Variants in ATXN2 observed in about 807,000 individuals in gnomAD.
ATXN2 encodes the protein ataxin 2, also known as ataxin-2.
In ATXN2, 37 loss-of-function variants were observed where a neutral mutation model predicts 138.6. The ratio of observed to expected loss-of-function variants is 0.27; its 90% CI spans 0.21 to 0.35. The LOEUF (loss-of-function observed/expected upper bound fraction) is 0.35. ATXN2 is among the 10% of genes least tolerant of loss of function. ATXN2 has a pLI of 1.00. For missense variants in ATXN2, 1,216 were observed against 1,480.3 expected (o/e 0.82, Z 2.93); for synonymous variants, 549 against 543.7 (o/e 1.01, Z -0.13).
At chr12:111,464,034 C>T (rs1179518441) in intron 21 of ATXN2, among the ~76,000 whole-genome samples, 2 of 152,056 alleles carry the variant, frequency 1.3e-5, no homozygotes, top group African/African-American at 2.4e-5. Context: ...ATGATCCACC[C>T]GCCTCAGCCT....
chr12:111,486,307 T>C (rs768270925), intron 16 of ATXN2, among the ~76,000 whole-genome samples: 61 of 152,204 alleles, frequency 4.0e-4, no homozygotes, highest in Non-Finnish European at 7.5e-4. Flanking sequence ...TCCTCCTATA[T>C]ACTTTACATC....
chr12:111,593,338 A>AC (rs1884774977), intron 1 of ATXN2, among the ~76,000 whole-genome samples: 1 of 151,552 alleles, frequency 6.6e-6, no homozygotes, highest in Non-Finnish European at 1.5e-5. Context: ...CAGGTGATCC[A>AC]CCCGCCTCAG....
At chr12:111,528,275 G>C (rs1880614008) in intron 5 of ATXN2, among the ~76,000 whole-genome samples, 1 of 152,164 alleles carries the variant, frequency 6.6e-6, no homozygotes, top group African/African-American at 2.4e-5. Context: ...CAGGGTATGT[G>C]TGTGTGTGTG....
Position 111,506,973 on chromosome 12 carries a change from G to A in ATXN2, c.1935+2576C>T, listed in dbSNP as rs575259798. Among the ~76,000 whole-genome samples, 4 of 151,726 alleles carry A rather than the reference G, an allele frequency of 2.6e-5. No homozygotes were observed. The South Asian group carries it at 8.3e-4, about 32-fold the overall frequency. ...AGTCTCGTTCACTCAGTGCTCAATG[G>A]TGCCCAGGCTGGAGTGCAGTGGCGT... On this transcript the variant is annotated intron_variant, in intron 14 of 24. Coordinates refer to ENST00000673436, the MANE Select transcript of ATXN2 (RefSeq NM_001372574.1).
intron 14 of ATXN2, among the ~76,000 whole-genome samples, chr12:111,498,010 C>A (rs1377680201): frequency 6.6e-6 from 1 of 151,914 alleles, no homozygotes; most frequent in African/African-American, 2.4e-5. Context: ...AGTGAGACTC[C>A]ATCTCAAAAA....
At position 111,478,337 on chromosome 12, in the gene ATXN2, C is replaced by T. The variant is rs144040636; in HGVS notation, c.2524+6928G>A. Among the ~76,000 whole-genome samples the T allele has an allele frequency of 1.5e-3, 230 of 151,938 alleles. 2 individuals are homozygous for T. The highest frequency in any genetic ancestry group is 4.0e-3 in the African/African-American group (164 of 41,460). The stretch of plus-strand genomic sequence containing the variant: ...GTAAGAATTGCTTGAACCTGGGAGG[C>T]GGAGGTTGCAGTGAGCCAAGATGGC... On this transcript the variant is annotated intron_variant, in intron 18 of 24. Transcript: ENST00000673436.
rs538338911 is a variant in ATXN2, at chr12:111,475,487, CTTTTTTT to C, written c.2525-4752_2525-4746del. ...GTAAAAAGATTTATCTTTTCTGTTT[CTTTTTTT>C]TTTTTTTTTTTTTAAGAGGGAATCT... On this transcript the variant is annotated intron_variant, in intron 18 of 24. Transcript: ENST00000673436. Among the ~76,000 whole-genome samples, 7 of 118,634 alleles carry C rather than the reference CTTTTTTT, an allele frequency of 5.9e-5. No individual in the cohort carries two copies. The East Asian group carries it at 1.3e-3, about 21-fold the overall frequency. 77.8% of individuals were successfully genotyped at this position (118,634 alleles called of 152,430 possible). A position where few individuals can be genotyped will look rare whatever the true frequency, so the allele number is the denominator to read the frequency against.
At chr12:111,548,868 T>C (rs1040774957) in intron 5 of ATXN2, among the ~76,000 whole-genome samples, 1 of 152,188 alleles carries the variant, frequency 6.6e-6, no homozygotes, top group African/African-American at 2.4e-5. Context: ...ATTATAGACA[T>C]GTGCCATCAC....
chr12:111,591,416 T>A (rs779370572), intron 1 of ATXN2, among the ~76,000 whole-genome samples: 1 of 152,088 alleles, frequency 6.6e-6, no homozygotes, highest in Non-Finnish European at 1.5e-5. Flanking sequence ...ACACCTGTAA[T>A]CTCAGCACTT....
At chr12:111,491,827 G>A (rs969326090) in intron 14 of ATXN2, among the ~76,000 whole-genome samples, 4 of 152,178 alleles carry the variant, frequency 2.6e-5, no homozygotes, top group African/African-American at 7.2e-5. Context: ...ACCTGCTTGA[G>A]GTGAGAGAAG....
At chr12:111,599,587 G>T, upstream of ATXN2, 1 of 1,109,942 alleles carries the variant, frequency 9.0e-7, no homozygotes, top group Non-Finnish European at 1.1e-6. Context: ...GAAGTCGGAG[G>T]GGTCAGACGG....
chr12:111,580,669 G>C (rs1883945843), intron 1 of ATXN2, among the ~76,000 whole-genome samples: 1 of 131,350 alleles, frequency 7.6e-6, no homozygotes, highest in Non-Finnish European at 1.6e-5. Context: ...GAGAGAAGGG[G>C]AGGGAGGGGG....
At chr12:111,504,815 T>C (rs1879001545) in intron 14 of ATXN2, among the ~76,000 whole-genome samples, 1 of 152,184 alleles carries the variant, frequency 6.6e-6, no homozygotes, top group Admixed American at 6.5e-5. Context: ...CCTTTTTTAA[T>C]TTTTTAATAA....
At chr12:111,504,456 A>G (rs1158906439) in intron 14 of ATXN2, among the ~76,000 whole-genome samples, 1 of 152,096 alleles carries the variant, frequency 6.6e-6, no homozygotes, top group African/African-American at 2.4e-5. Context: ...ACACCCAGGT[A>G]ATTTTTGTAT....
At chr12:111,467,105 G>A (rs1024830303) in intron 20 of ATXN2, among the ~76,000 whole-genome samples, 4 of 151,716 alleles carry the variant, frequency 2.6e-5, no homozygotes, top group Non-Finnish European at 5.9e-5. Flanking sequence ...TTAAATTATG[G>A]CTTATGATGG....
chr12:111,597,910 A>G, intron 1 of ATXN2: 1 of 1,277,008 alleles, frequency 7.8e-7, no homozygotes, highest in Non-Finnish European at 1.0e-6. Context: ...TCCAGCCCTC[A>G]CCCACCGATG....
chr12:111,556,496 A>G (rs1179553534), intron 1 of ATXN2, among the ~76,000 whole-genome samples: 2 of 152,134 alleles, frequency 1.3e-5, no homozygotes, highest in South Asian at 2.1e-4. Flanking sequence ...GTCACTTCCC[A>G]TATTTCTCCC....
intron 9 of ATXN2, among the ~76,000 whole-genome samples, chr12:111,517,900 A>C (rs965286548): frequency 6.6e-6 from 1 of 152,248 alleles, no homozygotes; most frequent in East Asian, 1.9e-4. Context: ...TATGTCTAAA[A>C]AATTTTATTA....
rs1566037015 is a variant in ATXN2, at chr12:111,516,266, AG to A, written c.1262del (p.Pro421LeufsTer67). The A allele has an allele frequency of 6.4e-7, 1 of 1,574,214 alleles. No homozygotes were observed. The highest frequency in any genetic ancestry group is 8.6e-7 in the Non-Finnish European group (1 of 1,165,522). Reference protein sequence around the residue: ...PNSLPPRAATPTRPPSRPPSR... With the variant: ...PNSLPPRAATXTRPPSRPPSR... ...AGGGGGGCCTGGAGGGCGGCCGTGTAGGGGTGGCTGCCCGAGGTGGAAGAGA... is the reference window on the plus strand; with the variant it reads ...AGGGGGGCCTGGAGGGCGGCCGTGTAGGGTGGCTGCCCGAGGTGGAAGAGA... On this transcript the variant is annotated frameshift_variant, in exon 10 of 25. Transcript: ENST00000673436. LOFTEE classifies it high-confidence loss of function. The surrounding 1 kb of genome is among the most constrained non-coding windows in gnomAD (Gnocchi z 5.0).
Sources: allele counts gnomAD v4.1 joint callset (sites outside exome capture counted in the v4.1 genomes callset), GRCh38; gene constraint gnomAD v4.1.1; non-coding constraint Gnocchi (gnomAD v3.1); transcripts MANE v1.5; gene names NCBI Gene and HGNC (gene_info 2026-07-23, HGNC 2026-07-21).